The following FAM114A2 variants were observed in gnomAD, a reference collection of about 807,000 sequenced individuals.
FAM114A2 encodes the protein family with sequence similarity 114 member A2, also known as protein FAM114A2.
A neutral mutation model predicts 58.4 loss-of-function variants in FAM114A2; 53 were observed. That is an observed-to-expected ratio of 0.91 (90% CI 0.73 to 1.14). FAM114A2 has a LOEUF of 1.14. Ranked by LOEUF, FAM114A2 falls within the 50% of genes most tolerant of loss-of-function variation. The pLI, the probability that FAM114A2 is intolerant of heterozygous loss-of-function variation, is 0.00. For synonymous variants in FAM114A2, 228 were observed against 211.4 expected, an observed-to-expected ratio of 1.08 and a Z score of -0.68; for missense variants, 601 against 581.1, an observed-to-expected ratio of 1.03 and a Z score of -0.35.
intron 9 of FAM114A2, among the ~76,000 whole-genome samples, chr5:154,004,928 A>G (rs1770253749): frequency 6.6e-6 from 1 of 152,260 alleles, no homozygotes; most frequent in South Asian, 2.1e-4. Flanking sequence ...ACAGGTCTCC[A>G]TGACCTAGAC....
At chr5:154,007,675 G>T (rs1317307058) in intron 9 of FAM114A2, among the ~76,000 whole-genome samples, 1 of 152,154 alleles carries the variant, frequency 6.6e-6, no homozygotes, top group East Asian at 1.9e-4. Context: ...TCTTTTTCAT[G>T]ATTATTTCCC....
Position 154,026,392 on chromosome 5 carries a change from A to C in FAM114A2, c.913+7T>G. On this transcript the variant is annotated splice_region_variant and intron_variant, in intron 8 of 13. Transcript: ENST00000351797. Reference sequence around the variant, plus strand: ...CTCTCCACTCAGATACTAAATTTTCATATTACCTTTTTTCTCTTCTTCCTC... The same window carrying C: ...CTCTCCACTCAGATACTAAATTTTCCTATTACCTTTTTTCTCTTCTTCCTC... 6.4e-7 allele frequency: 1 copy of C among 1,553,148 alleles called. No homozygotes were observed. Among genetic ancestry groups the C allele is most frequent in the Non-Finnish European group, 8.7e-7 (1 of 1,153,756 alleles).
At position 153,990,295 on chromosome 5, in the gene FAM114A2, C is replaced by T. The variant is rs1219583258; in HGVS notation, c.*2681G>A. 1 of 151,940 alleles carries T rather than the reference C, an allele frequency of 6.6e-6. No individual in the cohort carries two copies. The highest frequency in any genetic ancestry group is 1.5e-5 in the Non-Finnish European group (1 of 67,974). 9.4% of individuals were successfully genotyped at this position (151,940 alleles called of 1,614,324 possible). A position where few individuals can be genotyped will look rare whatever the true frequency, so the allele number is the denominator to read the frequency against. On this transcript the variant is annotated 3_prime_UTR_variant, in exon 14 of 14. Transcript: ENST00000351797. ...AGCAACTACCTATAAAATAGCTCTCCCTCAAAAAGGTCTTTCACTAAAAAC... is the reference window on the plus strand; with the variant it reads ...AGCAACTACCTATAAAATAGCTCTCTCTCAAAAAGGTCTTTCACTAAAAAC...
At chr5:153,994,435 T>C (rs1175367694) in intron 13 of FAM114A2, among the ~76,000 whole-genome samples, 1 of 152,152 alleles carries the variant, frequency 6.6e-6, no homozygotes, top group Non-Finnish European at 1.5e-5. Flanking sequence ...ACTTAAACCA[T>C]CTACCTTCTC....
At chr5:154,034,027 T>C (rs1203380189) in intron 3 of FAM114A2, 144 bp from the exon 4 acceptor site, 4 of 665,050 alleles carry the variant, frequency 6.0e-6, no homozygotes, top group African/African-American at 1.8e-5. Flanking sequence ...ACTATTTCCT[T>C]AAAAAAATTG....
At chr5:154,021,958 G>A (rs1299735343) in intron 8 of FAM114A2, among the ~76,000 whole-genome samples, 1 of 152,126 alleles carries the variant, frequency 6.6e-6, no homozygotes, top group East Asian at 1.9e-4. Context: ...ATAGACCAAT[G>A]GAACAGAACA....
At chr5:154,029,892 T>A (rs1013288461) in intron 4 of FAM114A2, among the ~76,000 whole-genome samples, 2 of 152,116 alleles carry the variant, frequency 1.3e-5, no homozygotes, top group Non-Finnish European at 2.9e-5. Flanking sequence ...AGAAAACAGA[T>A]CAGTAATTGC....
At chr5:154,012,446 G>A (rs1235881059) in intron 8 of FAM114A2, among the ~76,000 whole-genome samples, 1 of 152,212 alleles carries the variant, frequency 6.6e-6, no homozygotes, top group Non-Finnish European at 1.5e-5. Flanking sequence ...GAATGCAGAA[G>A]AGAACTCTTG....
intron 1 of FAM114A2, among the ~76,000 whole-genome samples, chr5:154,037,720 T>C (rs1177666345): frequency 1.3e-5 from 2 of 152,126 alleles, no homozygotes; most frequent in Non-Finnish European, 2.9e-5. Context: ...TACTCCAAAA[T>C]ATATTTTTAA....
Position 154,033,798 on chromosome 5 carries a change from A to G in FAM114A2, c.396T>C (p.Tyr132=), listed in dbSNP as rs1378793481. ...GPSEISTEVK[Y]VAGETNAKEN... ...ATGTTTCCATATACTGACCTGCTAC[A>G]TACTTGACTTCAGTTGAAATTTCAC... The change falls in exon 4 of 14, where the codon TAT becomes TAC. Residue 132 remains tyrosine (Y), a synonymous_variant. Transcript: ENST00000351797. 6 of 1,575,394 alleles carry G rather than the reference A, an allele frequency of 3.8e-6. No individual in the cohort carries two copies. The highest frequency in any genetic ancestry group is 2.2e-5 in the South Asian group (2 of 89,816).
chr5:153,991,326 C>T lies in FAM114A2; in HGVS notation c.*1650G>A, dbSNP rs899326938. On this transcript the variant is annotated 3_prime_UTR_variant, in exon 14 of 14. Coordinates refer to ENST00000351797, the MANE Select transcript of FAM114A2 (RefSeq NM_018691.4). ...GCCATTGTACAAGAGGCTGAACAGA[C>T]AGTAGGCAGAGTGACCAGTTTCTAA... The T allele has an allele frequency of 6.6e-6, 1 of 152,178 alleles. No individual in the cohort carries two copies. Among genetic ancestry groups the T allele is most frequent in the African/African-American group, 2.4e-5 (1 of 41,428 alleles). 9.4% of individuals were successfully genotyped at this position (152,178 alleles called of 1,614,324 possible). A position where few individuals can be genotyped will look rare whatever the true frequency, so the allele number is the denominator to read the frequency against.
At chr5:154,033,526 T>C (rs1459199218) in intron 4 of FAM114A2, among the ~76,000 whole-genome samples, 1 of 152,260 alleles carries the variant, frequency 6.6e-6, no homozygotes, top group Non-Finnish European at 1.5e-5. Context: ...TGTATATTCA[T>C]GGCCTTATTT....
At chr5:154,033,740 C>T (rs1239748197) in intron 4 of FAM114A2, 51 bp downstream of exon 4, 2 of 1,094,406 alleles carry the variant, frequency 1.8e-6, no homozygotes, top group East Asian at 4.8e-5. Flanking sequence ...ATTAGTTCAA[C>T]TGTTCCATTT....
chr5:154,029,709 A>G, intron 4 of FAM114A2, 129 bp from the exon 5 acceptor site: 1 of 493,046 alleles, frequency 2.0e-6, no homozygotes. Context: ...CCTTTTTATC[A>G]TTTTAAACCA....
At chr5:154,028,525 C>T (rs1173452904) in intron 5 of FAM114A2, among the ~76,000 whole-genome samples, 2 of 152,048 alleles carry the variant, frequency 1.3e-5, no homozygotes, top group East Asian at 1.9e-4. Context: ...TGGTTACATC[C>T]TAACAGAAAT....
At position 153,993,228 on chromosome 5, in the gene FAM114A2, C is replaced by G. The variant is rs1268918236; in HGVS notation, c.1384-118G>C. ...TAATCTAACTGAATTCATAGCCTGG[C>G]AAGTAAGAGCAGTGACTTGGCCATT... On this transcript the variant is annotated intron_variant, in intron 13 of 13. Coordinates refer to ENST00000351797, the MANE Select transcript of FAM114A2 (RefSeq NM_018691.4). The G allele has an allele frequency of 1.0e-5, 8 of 781,908 alleles. No homozygotes were observed. In the Admixed American group the frequency reaches 2.5e-4, roughly 24 times the overall value. The allele number at this position is 781,908 out of a possible 1,614,324, so 48.4% of individuals were successfully genotyped here. A position where few individuals can be genotyped will look rare whatever the true frequency, so the allele number is the denominator to read the frequency against.
At chr5:154,027,902 C>T (rs1014432601) in intron 6 of FAM114A2, among the ~76,000 whole-genome samples, 7 of 152,038 alleles carry the variant, frequency 4.6e-5, no homozygotes, top group African/African-American at 1.7e-4. Flanking sequence ...AACAAAAAAC[C>T]CTGACAGGGT....
intron 11 of FAM114A2, among the ~76,000 whole-genome samples, chr5:153,998,739 C>T (rs1769756471): frequency 6.6e-6 from 1 of 151,700 alleles, no homozygotes; most frequent in African/African-American, 2.4e-5. Flanking sequence ...ACTTTCTAGC[C>T]ACCAGAATCA....
Position 154,002,989 on chromosome 5 carries a change from G to C in FAM114A2, c.994-20C>G. On this transcript the variant is annotated intron_variant, in intron 9 of 13. Coordinates refer to ENST00000351797, the MANE Select transcript of FAM114A2 (RefSeq NM_018691.4). ...TCTTGCCTAAATAAGAAAAATATTG[G>C]CCATCAACAATTCAATTCAGTTTAC... is the stretch of plus-strand genomic sequence containing the variant. The C allele has an allele frequency of 1.2e-6, 2 of 1,612,158 alleles. No homozygotes were observed. Among genetic ancestry groups the C allele is most frequent in the South Asian group, 2.2e-5 (2 of 90,904 alleles).
Sources: allele counts gnomAD v4.1 joint callset (sites outside exome capture counted in the v4.1 genomes callset), GRCh38; gene constraint gnomAD v4.1.1; transcripts MANE v1.5; gene names NCBI Gene and HGNC (gene_info 2026-07-23, HGNC 2026-07-21).